UNC13C: variants seen among roughly 807,000 people sequenced by gnomAD.
UNC13C encodes unc-13 homolog C.
Under a neutral mutation model 245.4 loss-of-function variants are expected in UNC13C, and 174 were observed. The observed-to-expected ratio is 0.71, with a 90% CI of 0.63 to 0.80. The LOEUF (loss-of-function observed/expected upper bound fraction) is 0.80, where lower values mean the gene tolerates loss of function less well. Among genes scored for constraint, UNC13C ranks in the 30% least tolerant of loss-of-function variants. The probability of loss-of-function intolerance (pLI) is 0.00; values close to 1 mark genes in which losing one functional copy is unlikely to be tolerated. For synonymous variants in UNC13C, 992 were observed against 895.1 expected, an observed-to-expected ratio of 1.11 and a Z score of -1.93; for missense variants, 2,829 against 2,602.9, an observed-to-expected ratio of 1.09 and a Z score of -1.89.
intron 2 of UNC13C, 101 bp from the exon 3 acceptor site, chr15:54,142,917 C>G: frequency 9.8e-7 from 1 of 1,022,646 alleles, no homozygotes; most frequent in Non-Finnish European, 1.5e-6. Context: ...TAATTTTAAA[C>G]AATGTAACAT....
chr15:54,266,715 T>C (rs2036556701), intron 10 of UNC13C, among the ~76,000 whole-genome samples: 1 of 152,026 alleles, frequency 6.6e-6, no homozygotes, highest in African/African-American at 2.4e-5. Context: ...TTTTGACATA[T>C]GTGTACCTCC....
intron 30 of UNC13C, among the ~76,000 whole-genome samples, chr15:54,615,397 C>T (rs1900365153): frequency 6.6e-6 from 1 of 151,978 alleles, no homozygotes; most frequent in African/African-American, 2.4e-5. Context: ...TTCATCTGAA[C>T]TAACTTGGCT....
At chr15:54,186,905 G>A (rs2034009276) in intron 4 of UNC13C, among the ~76,000 whole-genome samples, 1 of 150,150 alleles carries the variant, frequency 6.7e-6, no homozygotes. Flanking sequence ...CTGGAGTGCA[G>A]TGGCACAAAC....
At chr15:54,202,302 A>G (rs1260768317) in intron 4 of UNC13C, among the ~76,000 whole-genome samples, 2 of 151,998 alleles carry the variant, frequency 1.3e-5, no homozygotes, top group African/African-American at 2.4e-5. Flanking sequence ...CATTCATCAC[A>G]TAACTAGAAA....
At chr15:53,905,946 T>C in the UNC13C span, among the ~76,000 whole-genome samples, 1 of 152,170 alleles carries the variant, frequency 6.6e-6, no homozygotes, top group African/African-American at 2.4e-5. Context: ...GACACTGTAA[T>C]ACAAATTTAG....
intron 17 of UNC13C, among the ~76,000 whole-genome samples, chr15:54,371,540 A>G (rs1444722915): frequency 2.6e-5 from 4 of 152,122 alleles, no homozygotes; most frequent in Non-Finnish European, 5.9e-5. Flanking sequence ...TCAGTAGTCT[A>G]TTGTGGTTAA....
chr15:54,225,706 G>C (rs1292367270), intron 4 of UNC13C, among the ~76,000 whole-genome samples: 1 of 152,154 alleles, frequency 6.6e-6, no homozygotes, highest in Non-Finnish European at 1.5e-5. Flanking sequence ...AGAAGCTTTT[G>C]GGCTGACAAG....
At chr15:54,494,468 C>A in intron 19 of UNC13C, 140 bp from the exon 20 acceptor site, 1 of 761,288 alleles carries the variant, frequency 1.3e-6, no homozygotes, top group Non-Finnish European at 1.9e-6. Context: ...TTTAGGTCAG[C>A]TTTTAGCAAT....
intron 19 of UNC13C, 127 bp from the exon 20 acceptor site, chr15:54,494,481 A>C: frequency 1.1e-6 from 1 of 909,410 alleles, no homozygotes; most frequent in Non-Finnish European, 1.5e-6. Context: ...TTAGCAATTC[A>C]TTATACCTTT....
intron 4 of UNC13C, among the ~76,000 whole-genome samples, chr15:54,220,537 G>A (rs1433567805): frequency 1.3e-5 from 2 of 151,340 alleles, no homozygotes; most frequent in African/African-American, 4.9e-5. Context: ...CATGGCACAT[G>A]TATACATATG....
chr15:54,103,397 G>A (rs112345563), intron 2 of UNC13C, among the ~76,000 whole-genome samples: 4,599 of 152,256 alleles, frequency 0.03, 196 homozygotes, highest in African/African-American at 0.1. Flanking sequence ...CTGTTTCCTG[G>A]AACAGGATGA....
intron 23 of UNC13C, among the ~76,000 whole-genome samples, chr15:54,510,571 G>A (rs1239274655): frequency 1.3e-5 from 2 of 152,180 alleles, no homozygotes; most frequent in Non-Finnish European, 2.9e-5. Flanking sequence ...CAAGGAAACA[G>A]AAAGGAATTA....
chr15:54,202,685 TA>T (rs1291195602), intron 4 of UNC13C, among the ~76,000 whole-genome samples: 1 of 152,062 alleles, frequency 6.6e-6, no homozygotes, highest in Non-Finnish European at 1.5e-5. Flanking sequence ...ATCAAAGACT[TA>T]AATCTAAGAC....
chr15:54,614,061 T>A (rs924385018), intron 30 of UNC13C, among the ~76,000 whole-genome samples: 1 of 152,030 alleles, frequency 6.6e-6, no homozygotes, highest in Non-Finnish European at 1.5e-5. Flanking sequence ...GGTTGCTGAT[T>A]GTCATACTGC....
At chr15:53,947,224 G>C in the UNC13C span, among the ~76,000 whole-genome samples, 3 of 152,088 alleles carry the variant, frequency 2.0e-5, no homozygotes, top group African/African-American at 4.8e-5. Context: ...TTCCAATAAG[G>C]CCTAAGAAAA....
At chr15:54,509,338 A>G (rs1894631788) in intron 23 of UNC13C, among the ~76,000 whole-genome samples, 1 of 152,258 alleles carries the variant, frequency 6.6e-6, no homozygotes, top group Non-Finnish European at 1.5e-5. Flanking sequence ...AAATGGGTCA[A>G]AATATTTTTA....
At chr15:53,850,949 G>T in the UNC13C span, among the ~76,000 whole-genome samples, 2 of 149,818 alleles carry the variant, frequency 1.3e-5, no homozygotes, top group African/African-American at 4.9e-5. Flanking sequence ...CTTTACTTAT[G>T]CAGTGTCTAA....
chr15:53,997,304 TGTGA>T (rs1436758616), intron 1 of UNC13C, among the ~76,000 whole-genome samples: 1 of 152,190 alleles, frequency 6.6e-6, no homozygotes, highest in African/African-American at 2.4e-5. Flanking sequence ...TGTGCATGCA[TGTGA>T]GTGTGATACA....
At chr15:54,365,316 G>A (rs2039339654) in intron 17 of UNC13C, among the ~76,000 whole-genome samples, 1 of 151,912 alleles carries the variant, frequency 6.6e-6, no homozygotes, top group African/African-American at 2.4e-5. Flanking sequence ...ATAGCACCTT[G>A]GGGAAAGGTG....
Sources: gnomAD v4.1 joint callset for allele counts (sites outside exome capture counted in the v4.1 genomes callset) on GRCh38, gnomAD v4.1.1 for gene constraint, MANE v1.5 for transcripts, NCBI Gene and HGNC (gene_info 2026-07-23, HGNC 2026-07-21) for gene names.